The following CNTLN variants were observed in gnomAD, a reference collection of about 807,000 sequenced individuals.
CNTLN encodes the protein centlein.
A neutral mutation model predicts 180.0 loss-of-function variants in CNTLN; 212 were observed. The observed-to-expected ratio is 1.18, with a 90% CI of 1.05 to 1.32. The LOEUF is 1.32. CNTLN is among the 40% of genes most tolerant of loss of function. The pLI is 0.00. For missense variants in CNTLN, 2,095 were observed against 1,610.9 expected, an observed-to-expected ratio of 1.30 and a Z score of -5.14; for synonymous variants, 722 against 563.1, an observed-to-expected ratio of 1.28 and a Z score of -3.99.
intron 13 of CNTLN, among the ~76,000 whole-genome samples, chr9:17,373,072 G>A (rs7848397): frequency 0.59 from 89,617 of 151,952 alleles, 26,686 homozygotes; most frequent in East Asian, 0.73. Context: ...GATTTGGAAC[G>A]TGACCATGAT....
chr9:17,379,308 A>T (rs1159172378), intron 13 of CNTLN, among the ~76,000 whole-genome samples: 1 of 151,492 alleles, frequency 6.6e-6, no homozygotes, highest in Non-Finnish European at 1.5e-5. Context: ...GCATGTGCTG[A>T]TTAGTACTTG....
At position 17,216,325 on chromosome 9, in the gene CNTLN, G is replaced by C. The variant is rs978157805; in HGVS notation, c.450-9878G>C. 3.9e-5 allele frequency among the ~76,000 whole-genome samples: 6 copies of C among 152,068 alleles called. 1 individual carries two copies. The highest frequency in any genetic ancestry group is 7.4e-5 in the Non-Finnish European group (5 of 68,016). On this transcript the variant is annotated intron_variant, in intron 2 of 25. Transcript: ENST00000380647. Reference sequence around the variant, plus strand: ...TGGTTTGCTTTCTTTTTAATATTCTGTACTTTTTTTGTAGACTTGTTAATA... The same window carrying C: ...TGGTTTGCTTTCTTTTTAATATTCTCTACTTTTTTTGTAGACTTGTTAATA...
intron 15 of CNTLN, among the ~76,000 whole-genome samples, chr9:17,399,769 G>C (rs1016462120): frequency 6.6e-6 from 1 of 152,136 alleles, no homozygotes; most frequent in African/African-American, 2.4e-5. Context: ...CAGATTATAA[G>C]ATCCTCACAT....
intron 5 of CNTLN, among the ~76,000 whole-genome samples, chr9:17,258,296 G>A (rs9722208): frequency 0.14 from 20,253 of 141,092 alleles, 1,047 homozygotes; most frequent in South Asian, 0.22. Context: ...GTAGATATGC[G>A]GCGTTATTTC....
rs1827132447 is a variant in CNTLN at position 17,263,113 on chromosome 9, A to G, written c.850-10620A>G. On this transcript the variant is annotated intron_variant, in intron 5 of 25. Transcript: ENST00000380647. ...ACGTGCAGGTTTGTTACATATGTAT[A>G]CATGTGCCATGTTGGTGTGCTGCAC... Among the ~76,000 whole-genome samples the G allele has an allele frequency of 7.3e-5, 11 of 150,878 alleles. 1 individual carries two copies. In the South Asian group the frequency reaches 2.3e-3, roughly 31 times the overall value.
intron 5 of CNTLN, among the ~76,000 whole-genome samples, chr9:17,237,711 C>T (rs1825244074): frequency 6.6e-6 from 1 of 151,662 alleles, no homozygotes; most frequent in South Asian, 2.1e-4. Flanking sequence ...TTCAATCCTC[C>T]AGGAATACTG....
chr9:17,442,131 C>T (rs374086897), intron 18 of CNTLN, among the ~76,000 whole-genome samples: 9 of 152,034 alleles, frequency 5.9e-5, no homozygotes, highest in East Asian at 5.8e-4. Flanking sequence ...AAGATTAATC[C>T]GGAATCAGAG....
rs1036515289 is a variant in CNTLN, at chr9:17,287,858, C to T, written c.984-10332C>T. Among the ~76,000 whole-genome samples the T allele has an allele frequency of 4.9e-3, 733 of 148,236 alleles. 27 individuals are homozygous for T. The highest frequency in any genetic ancestry group is 0.017 in the African/African-American group (680 of 38,972). On this transcript the variant is annotated intron_variant, in intron 6 of 25. Transcript: ENST00000380647. ...TCTGTGGGATCGCTGGTGATATCCC[C>T]TTTATCATTTTTTATTGTGTCTATT...
At chr9:17,189,484 G>GT (rs1415311767) in intron 2 of CNTLN, among the ~76,000 whole-genome samples, 3 of 146,388 alleles carry the variant, frequency 2.0e-5, no homozygotes, top group Non-Finnish European at 4.5e-5. Flanking sequence ...TTTTGTTGTT[G>GT]TTTTTGTTTT....
chr9:17,312,347 A>ATATATATATATATATAT, intron 8 of CNTLN, among the ~76,000 whole-genome samples: 1 of 14,572 alleles, frequency 6.9e-5, no homozygotes, highest in South Asian at 8.6e-4. Flanking sequence ...CTGTATTTAT[A>ATATATATATATATATAT]TATATATATA....
intron 12 of CNTLN, among the ~76,000 whole-genome samples, chr9:17,352,925 TTTATGTATA>T (rs1554696807): frequency 9.2e-5 from 14 of 152,182 alleles, no homozygotes; most frequent in Non-Finnish European, 1.9e-4. Flanking sequence ...TATCCCTTTG[TTTATGTATA>T]CCACAATTTG....
At chr9:17,338,340 T>TTG (rs1554692009) in intron 10 of CNTLN, among the ~76,000 whole-genome samples, 6 of 142,642 alleles carry the variant, frequency 4.2e-5, no homozygotes, top group South Asian at 4.4e-4. Context: ...AATTTTTGTT[T>TTG]TTTTTTTTTT....
At chr9:17,488,752 T>C (rs1297102420) in intron 25 of CNTLN, among the ~76,000 whole-genome samples, 3 of 152,142 alleles carry the variant, frequency 2.0e-5, no homozygotes, top group African/African-American at 4.8e-5. Flanking sequence ...AGTGCCTTTT[T>C]GTGCCACTGA....
intron 23 of CNTLN, among the ~76,000 whole-genome samples, chr9:17,473,544 A>G (rs1832148920): frequency 6.7e-6 from 1 of 149,832 alleles, no homozygotes; most frequent in South Asian, 2.1e-4. Context: ...TATCACCAAT[A>G]TTCCCTCTAT....
intron 2 of CNTLN, among the ~76,000 whole-genome samples, chr9:17,210,422 C>T (rs989775661): frequency 1.3e-5 from 2 of 152,138 alleles, no homozygotes; most frequent in African/African-American, 4.8e-5. Context: ...CATAGTAGTC[C>T]ATGGTGTATA....
chr9:17,384,981 C>G (rs1285064099), intron 13 of CNTLN, among the ~76,000 whole-genome samples: 1 of 152,180 alleles, frequency 6.6e-6, no homozygotes, highest in Non-Finnish European at 1.5e-5. Flanking sequence ...GTCACAAGTC[C>G]CAGGTTTCCA....
intron 2 of CNTLN, among the ~76,000 whole-genome samples, chr9:17,159,216 A>G (rs1361018077): frequency 6.6e-6 from 1 of 152,192 alleles, no homozygotes; most frequent in Admixed American, 6.5e-5. Flanking sequence ...CATATGGTCT[A>G]TCCTGACTAG....
In CNTLN at chr9:17,174,181, T is replaced by G. The variant is rs1201804107; in HGVS notation, c.449+30805T>G. Among the ~76,000 whole-genome samples the G allele has an allele frequency of 2.0e-5, 3 of 152,228 alleles. No individual in the cohort carries two copies. The East Asian group carries it at 5.8e-4, about 29-fold the overall frequency. Reference sequence around the variant, plus strand: ...TGTATATATCAGTAGTTCATTTATTTTTATTGCTGAAGAGTGTCCCATAGT... The same window carrying G: ...TGTATATATCAGTAGTTCATTTATTGTTATTGCTGAAGAGTGTCCCATAGT... On this transcript the variant is annotated intron_variant, in intron 2 of 25. Transcript: ENST00000380647.
At chr9:17,420,291 G>C (rs767047367) in intron 18 of CNTLN, among the ~76,000 whole-genome samples, 12 of 152,060 alleles carry the variant, frequency 7.9e-5, no homozygotes, top group African/African-American at 1.2e-4. Flanking sequence ...GTTCAATCTT[G>C]GTAGATTGTA....
Sources: gnomAD v4.1 joint callset for allele counts (sites outside exome capture counted in the v4.1 genomes callset) on GRCh38, gnomAD v4.1.1 for gene constraint, MANE v1.5 for transcripts, NCBI Gene and HGNC (gene_info 2026-07-23, HGNC 2026-07-21) for gene names.